Variants in PKNOX2 observed in about 807,000 individuals in gnomAD.
PKNOX2 encodes homeobox protein PKNOX2.
A neutral mutation model predicts 53.1 loss-of-function variants in PKNOX2; 14 were observed. The ratio of observed to expected loss-of-function variants is 0.26; its 90% confidence interval spans 0.17 to 0.41. PKNOX2 has a LOEUF of 0.41. PKNOX2 is among the 10% of genes least tolerant of loss of function. The pLI is 1.00. For synonymous variants in PKNOX2, 257 were observed against 242.8 expected (o/e 1.06, Z -0.54); for missense variants, 496 against 602.8 (o/e 0.82, Z 1.85).
At chr11:125,301,750 T>TG (rs147034948) in intron 2 of PKNOX2, among the ~76,000 whole-genome samples, 2,256 of 152,252 alleles carry the variant, frequency 0.015, 57 homozygotes, top group African/African-American at 0.051. Flanking sequence ...AGGCAGGTGG[T>TG]GCCAGGCCAG....
chr11:125,168,573 G>A (rs1452246823), intron 1 of PKNOX2, among the ~76,000 whole-genome samples: 1 of 152,214 alleles, frequency 6.6e-6, no homozygotes, highest in African/African-American at 2.4e-5. Flanking sequence ...GTTTATGGGT[G>A]CACCAGAGTG....
At chr11:125,382,332 C>T (rs562634600) in intron 5 of PKNOX2, among the ~76,000 whole-genome samples, 2 of 152,352 alleles carry the variant, frequency 1.3e-5, no homozygotes, top group South Asian at 4.1e-4. Flanking sequence ...CGCGCACACA[C>T]ACACAAGCAC....
At chr11:125,360,261 G>T (rs769848942) in intron 4 of PKNOX2, among the ~76,000 whole-genome samples, 1 of 152,044 alleles carries the variant, frequency 6.6e-6, no homozygotes, top group Non-Finnish European at 1.5e-5. Context: ...GGGTTTAATA[G>T]TCATAACAAG....
chr11:125,279,396 A>T (rs931078189), intron 2 of PKNOX2, among the ~76,000 whole-genome samples: 1 of 152,238 alleles, frequency 6.6e-6, no homozygotes, highest in Admixed American at 6.5e-5. Flanking sequence ...GAGACTCACA[A>T]GCTGATAAAG....
intron 2 of PKNOX2, among the ~76,000 whole-genome samples, chr11:125,325,613 TGAAA>T (rs1949781234): frequency 6.6e-6 from 1 of 152,244 alleles, no homozygotes; most frequent in African/African-American, 2.4e-5. Flanking sequence ...TCATCATTTA[TGAAA>T]GACTCAGTCT....
chr11:125,391,256 C>T (rs1013034996), intron 6 of PKNOX2, among the ~76,000 whole-genome samples: 1 of 152,110 alleles, frequency 6.6e-6, no homozygotes, highest in Non-Finnish European at 1.5e-5. Flanking sequence ...TGCCTGTGTC[C>T]CTGTGGTGAC....
chr11:125,300,119 G>C (rs1431859525), intron 2 of PKNOX2, among the ~76,000 whole-genome samples: 1 of 152,210 alleles, frequency 6.6e-6, no homozygotes, highest in Non-Finnish European at 1.5e-5. Context: ...TTGGAGAGGG[G>C]ACCAAGGAGC....
At chr11:125,192,585 C>T (rs1956944559) in intron 1 of PKNOX2, among the ~76,000 whole-genome samples, 1 of 152,200 alleles carries the variant, frequency 6.6e-6, no homozygotes, top group Non-Finnish European at 1.5e-5. Flanking sequence ...GTGATAACAA[C>T]AATGAAATAG....
intron 2 of PKNOX2, among the ~76,000 whole-genome samples, chr11:125,278,031 A>G (rs1286470205): frequency 6.6e-6 from 1 of 152,106 alleles, no homozygotes; most frequent in African/African-American, 2.4e-5. Context: ...AGCCTGGGCA[A>G]CATGGCAAAA....
At chr11:125,336,690 TTC>T (rs1950446088) in intron 3 of PKNOX2, among the ~76,000 whole-genome samples, 1 of 147,602 alleles carries the variant, frequency 6.8e-6, no homozygotes, top group Admixed American at 6.8e-5. Flanking sequence ...CTGTAGTATA[TTC>T]TCTATATAAT....
chr11:125,200,205 A>G (rs543686114), intron 1 of PKNOX2, among the ~76,000 whole-genome samples: 28 of 152,316 alleles, frequency 1.8e-4, no homozygotes, highest in African/African-American at 6.5e-4. Flanking sequence ...TTTGTTCTCC[A>G]TGGTCACAGC....
At chr11:125,376,087 G>A (rs1007321521) in intron 5 of PKNOX2, among the ~76,000 whole-genome samples, 16 of 152,160 alleles carry the variant, frequency 1.1e-4, no homozygotes, top group African/African-American at 3.4e-4. Flanking sequence ...TTAATGTGCC[G>A]GGAGGAGTGT....
chr11:125,424,383 T>C (rs183085152), intron 10 of PKNOX2, among the ~76,000 whole-genome samples: 1 of 152,218 alleles, frequency 6.6e-6, no homozygotes, highest in African/African-American at 2.4e-5. Flanking sequence ...ATCTCTGAAA[T>C]TGGGTACATC....
intron 6 of PKNOX2, among the ~76,000 whole-genome samples, chr11:125,388,612 C>G (rs1257192214): frequency 6.6e-6 from 1 of 152,104 alleles, no homozygotes; most frequent in African/African-American, 2.4e-5. Flanking sequence ...CAAGCCCCAG[C>G]TGGGCCCTGC....
At chr11:125,236,509 C>A (rs1364447988) in intron 2 of PKNOX2, among the ~76,000 whole-genome samples, 1 of 152,180 alleles carries the variant, frequency 6.6e-6, no homozygotes. Context: ...GAGCATGAAC[C>A]TTAATGAGAG....
chr11:125,243,977 G>T (rs1362916268), intron 2 of PKNOX2, among the ~76,000 whole-genome samples: 1 of 152,180 alleles, frequency 6.6e-6, no homozygotes. Flanking sequence ...GCCAGGGGAG[G>T]TACTGGGCTT....
At chr11:125,305,756 G>A (rs774126054) in intron 2 of PKNOX2, among the ~76,000 whole-genome samples, 2 of 152,178 alleles carry the variant, frequency 1.3e-5, no homozygotes, top group South Asian at 2.1e-4. Context: ...GAGGCAAACC[G>A]ACTGAAGTGT....
intron 3 of PKNOX2, among the ~76,000 whole-genome samples, chr11:125,334,804 A>G (rs977077159): frequency 1.3e-5 from 2 of 150,756 alleles, no homozygotes; most frequent in African/African-American, 2.5e-5. Context: ...GTGTTTTCCC[A>G]TGTTCTCCAG....
At chr11:125,351,439 G>A in intron 4 of PKNOX2, 47 bp downstream of exon 4, 1 of 1,257,334 alleles carries the variant, frequency 8.0e-7, no homozygotes, top group Non-Finnish European at 1.1e-6. Flanking sequence ...GAGGGAGTGT[G>A]GTGGCCTTAG....
Sources: gnomAD v4.1 joint callset for allele counts (sites outside exome capture counted in the v4.1 genomes callset) on GRCh38, gnomAD v4.1.1 for gene constraint, MANE v1.5 for transcripts, NCBI Gene and HGNC (gene_info 2026-07-23, HGNC 2026-07-21) for gene names.